The following ANK2 variants were observed in gnomAD, a reference collection of about 807,000 sequenced individuals.
ANK2 encodes the protein ankyrin 2.
ANK2 carries 83 observed loss-of-function variants against 360.5 expected under a neutral mutation model. That is an observed-to-expected ratio of 0.23 (90% confidence interval 0.19 to 0.28). The LOEUF (loss-of-function observed/expected upper bound fraction) is 0.28. Ranked by LOEUF, ANK2 falls within the 10% of genes least tolerant of loss-of-function variation. The pLI is 1.00. For synonymous variants in ANK2, 1,740 were observed against 1,759.5 expected, an observed-to-expected ratio of 0.99 and a Z score of 0.28; for missense variants, 4,201 against 4,795.7, an observed-to-expected ratio of 0.88 and a Z score of 3.66.
Position 113,320,350 on chromosome 4 carries a change from A to G in ANK2, c.2900+1730A>G, listed in dbSNP as rs556182490. Among the ~76,000 whole-genome samples the G allele has an allele frequency of 7.9e-5, 12 of 152,228 alleles. No individual in the cohort carries two copies. The South Asian group carries it at 2.5e-3, about 32-fold the overall frequency. ...TTGCTGTGCATTAGAATCACCTAGGAGCTTTAAAAAATACTAGTGCTGGCC... is the reference window on the plus strand; with the variant it reads ...TTGCTGTGCATTAGAATCACCTAGGGGCTTTAAAAAATACTAGTGCTGGCC... On this transcript the variant is annotated intron_variant, in intron 26 of 45. Coordinates refer to ENST00000357077, the MANE Select transcript of ANK2 (RefSeq NM_001148.6).
At chr4:113,367,405 G>A (rs1454178680) in intron 41 of ANK2, among the ~76,000 whole-genome samples, 161 bp from the exon 42 acceptor site, 1 of 152,026 alleles carries the variant, frequency 6.6e-6, no homozygotes, top group Non-Finnish European at 1.5e-5. Flanking sequence ...TATCTTGAAG[G>A]TGGACACAGT....
chr4:113,332,082 T>A lies in ANK2; in HGVS notation c.3224+12T>A. On this transcript the variant is annotated intron_variant, in intron 28 of 45. Transcript: ENST00000357077. ...ACCAAATTCCTTGGGTAGGAGTGAC[T>A]TAAAACAAATTGATGGCTGCTGGCC... 1.3e-6 allele frequency: 2 copies of A among 1,598,888 alleles called. No individual in the cohort carries two copies. Among genetic ancestry groups the A allele is most frequent in the Non-Finnish European group, 1.7e-6 (2 of 1,166,186 alleles).
At chr4:113,172,556 G>C (rs2098018413) in intron 1 of ANK2, among the ~76,000 whole-genome samples, 1 of 152,088 alleles carries the variant, frequency 6.6e-6, no homozygotes, top group Non-Finnish European at 1.5e-5. Context: ...TATAATACAT[G>C]TGACTCCTTG....
At chr4:113,347,914 G>A (rs1524995) in intron 35 of ANK2, 51,740 of 218,620 alleles carry the variant, frequency 0.24, 9,369 homozygotes, top group African/African-American at 0.56. Context: ...GTAGCTTTTA[G>A]TATTTTCAAC....
chr4:113,252,045 G>A (rs1385996819), intron 10 of ANK2, among the ~76,000 whole-genome samples: 1 of 152,118 alleles, frequency 6.6e-6, no homozygotes, highest in African/African-American at 2.4e-5. Context: ...TTACAAAGAA[G>A]TTTAATGGAT....
At chr4:113,324,682 A>G (rs1424442491) in intron 26 of ANK2, among the ~76,000 whole-genome samples, 1 of 152,214 alleles carries the variant, frequency 6.6e-6, no homozygotes, top group African/African-American at 2.4e-5. Context: ...GAAGGAATTA[A>G]GGGAATTACA....
At chr4:112,742,240 C>G in the ANK2 span, among the ~76,000 whole-genome samples, 5 of 152,114 alleles carry the variant, frequency 3.3e-5, no homozygotes, top group Admixed American at 3.3e-4. Context: ...GCACTCCAGC[C>G]TGGGCGACAG....
At chr4:112,815,823 C>T (rs1443951890), upstream of ANK2, among the ~76,000 whole-genome samples, 3 of 152,200 alleles carry the variant, frequency 2.0e-5, no homozygotes, top group Non-Finnish European at 4.4e-5. Context: ...TCAAACACCA[C>T]GGGGACAGAA....
the ANK2 span, among the ~76,000 whole-genome samples, chr4:112,755,603 C>T: frequency 6.6e-6 from 1 of 151,968 alleles, no homozygotes; most frequent in African/African-American, 2.4e-5. Context: ...GGGGAGATTA[C>T]AAAGTACATT....
intron 1 of ANK2, among the ~76,000 whole-genome samples, chr4:112,872,734 T>C (rs1469478338): frequency 1.3e-5 from 2 of 152,232 alleles, no homozygotes; most frequent in African/African-American, 4.8e-5. Flanking sequence ...CAGAGTGAGT[T>C]TGGGAGTGTT....
At chr4:113,236,878 C>A (rs1202781579) in intron 5 of ANK2, 109 bp from the exon 6 acceptor site, 3 of 1,125,404 alleles carry the variant, frequency 2.7e-6, no homozygotes, top group Non-Finnish European at 2.7e-6. Flanking sequence ...ATATTTTATT[C>A]TTTTGGTTGT....
the ANK2 span, among the ~76,000 whole-genome samples, chr4:112,776,829 C>T: frequency 6.6e-6 from 1 of 152,032 alleles, no homozygotes; most frequent in Admixed American, 6.6e-5. Flanking sequence ...CTGTGAATCC[C>T]ATATATTTGG....
intron 1 of ANK2, among the ~76,000 whole-genome samples, chr4:113,097,507 C>T (rs1333381675): frequency 6.6e-6 from 1 of 152,042 alleles, no homozygotes; most frequent in Non-Finnish European, 1.5e-5. Context: ...TCAAAGATTA[C>T]TCTATTTCCT....
Position 113,185,532 on chromosome 4 carries a change from A to T in ANK2, c.187-10836A>T, listed in dbSNP as rs76335419. Among the ~76,000 whole-genome samples the T allele has an allele frequency of 2.2e-4, 34 of 152,276 alleles. No homozygotes were observed. The East Asian group carries it at 6.6e-3, about 29-fold the overall frequency. On this transcript the variant is annotated intron_variant, in intron 2 of 45. Coordinates refer to ENST00000357077, the MANE Select transcript of ANK2 (RefSeq NM_001148.6). ...GTCTTCTTTTGAGAAGTGTCTGTTC[A>T]TATCCTTTGCCCACTTTTTGATGGC...
At chr4:112,787,762 A>C in the ANK2 span, among the ~76,000 whole-genome samples, 1 of 152,062 alleles carries the variant, frequency 6.6e-6, no homozygotes, top group Non-Finnish European at 1.5e-5. Context: ...TTTCTGTGTG[A>C]CCCTGGGATT....
intron 2 of ANK2, among the ~76,000 whole-genome samples, chr4:112,919,800 G>T (rs1399541866): frequency 6.6e-6 from 1 of 152,072 alleles, no homozygotes; most frequent in Non-Finnish European, 1.5e-5. Flanking sequence ...AACTTTAAGT[G>T]CATTATATCT....
At chr4:113,259,247 G>T (rs901392486) in intron 13 of ANK2, among the ~76,000 whole-genome samples, 6 of 152,052 alleles carry the variant, frequency 3.9e-5, no homozygotes, top group Non-Finnish European at 7.3e-5. Context: ...GCATGTATTT[G>T]AAGTTCAAGA....
chr4:113,091,482 A>G (rs776172953), intron 1 of ANK2, among the ~76,000 whole-genome samples: 1 of 152,234 alleles, frequency 6.6e-6, no homozygotes, highest in African/African-American at 2.4e-5. Context: ...AGTAGTTATC[A>G]TTGTCCTACC....
chr4:113,319,077 A>G (rs1176021256), intron 26 of ANK2, among the ~76,000 whole-genome samples: 2 of 152,202 alleles, frequency 1.3e-5, no homozygotes, highest in Non-Finnish European at 2.9e-5. Context: ...TCACACAAAT[A>G]TATAGAGGAG....
Sources: gnomAD v4.1 joint callset for allele counts (sites outside exome capture counted in the v4.1 genomes callset) on GRCh38, gnomAD v4.1.1 for gene constraint, MANE v1.5 for transcripts, NCBI Gene and HGNC (gene_info 2026-07-23, HGNC 2026-07-21) for gene names.